The following ABCA1 variants were observed in gnomAD, a reference collection of about 807,000 sequenced individuals.
ABCA1 encodes ATP binding cassette subfamily A member 1, also known as phospholipid-transporting ATPase ABCA1.
In ABCA1, 133 loss-of-function variants were observed where a neutral mutation model predicts 262.5. The observed-to-expected ratio is 0.51, with a 90% CI of 0.44 to 0.59. The LOEUF (loss-of-function observed/expected upper bound fraction) is 0.59. Among genes scored for constraint, ABCA1 ranks in the 20% least tolerant of loss-of-function variants. The pLI, the probability that ABCA1 is intolerant of heterozygous loss-of-function variation, is 0.00. For missense variants in ABCA1, 2,452 were observed against 2,777.5 expected (o/e 0.88, Z 2.63); for synonymous variants, 1,022 against 1,043.5 (o/e 0.98, Z 0.40).
At chr9:104,899,234 C>T (rs1015769242) in intron 2 of ABCA1, among the ~76,000 whole-genome samples, 1 of 152,082 alleles carries the variant, frequency 6.6e-6, no homozygotes, top group African/African-American at 2.4e-5. Context: ...ATGACCACTG[C>T]TGCCGGCCCA....
At chr9:104,819,520 C>T in intron 22 of ABCA1, 66 bp downstream of exon 22, 1 of 1,609,112 alleles carries the variant, frequency 6.2e-7, no homozygotes. Context: ...GAGATACAGC[C>T]ACACTTCTCA....
At chr9:104,790,352 C>CA (rs1217513842) in intron 44 of ABCA1, among the ~76,000 whole-genome samples, 2 of 151,988 alleles carry the variant, frequency 1.3e-5, no homozygotes, top group African/African-American at 4.8e-5. Flanking sequence ...AAAATGGAAA[C>CA]TAATGTGTCC....
intron 2 of ABCA1, among the ~76,000 whole-genome samples, chr9:104,889,936 A>G (rs552521769): frequency 1.3e-5 from 2 of 152,294 alleles, no homozygotes; most frequent in East Asian, 3.9e-4. Context: ...TGAACTTCTA[A>G]ACAAGCATGA....
intron 1 of ABCA1, among the ~76,000 whole-genome samples, chr9:104,913,678 C>T (rs1447916835): frequency 6.6e-6 from 1 of 152,152 alleles, no homozygotes; most frequent in Non-Finnish European, 1.5e-5. Flanking sequence ...CTATAAAACC[C>T]CCTCTTGGGG....
At position 104,813,732 on chromosome 9, in the gene ABCA1, G is replaced by A. The variant is rs114356799; in HGVS notation, c.3901+386C>T. 2.1e-3 allele frequency among the ~76,000 whole-genome samples: 317 copies of A among 152,160 alleles called. 1 individual carries two copies. The highest frequency in any genetic ancestry group is 7.2e-3 in the African/African-American group (299 of 41,510). ...CCAGCCTCAAATATCTAAGTCTTAG[G>A]GTACAATTAACTCTAACAGCAAATT... On this transcript the variant is annotated intron_variant, in intron 27 of 49. Transcript: ENST00000374736.
At position 104,903,647 on chromosome 9, in the gene ABCA1, C is replaced by T. The variant is rs1448985071; in HGVS notation, c.33G>A (p.Leu11=). The change falls in exon 2 of 50, where the codon CTG becomes CTA. Residue 11 remains leucine, a synonymous_variant. Transcript: ENST00000374736. MACWPQLRLL[L]WKNLTFRRRQ... ...TTCTTCTGAAAGTGAGGTTCTTCCACAGCAGCAACCTCAGCTGAGGCCAAC... is the reference window on the plus strand; with the variant it reads ...TTCTTCTGAAAGTGAGGTTCTTCCATAGCAGCAACCTCAGCTGAGGCCAAC... The T allele has an allele frequency of 6.3e-7, 1 of 1,590,306 alleles. No homozygotes were observed. Among genetic ancestry groups the T allele is most frequent in the African/African-American group, 1.3e-5 (1 of 74,718 alleles).
At chr9:104,894,046 G>T (rs1357900229) in intron 2 of ABCA1, among the ~76,000 whole-genome samples, 1 of 152,178 alleles carries the variant, frequency 6.6e-6, no homozygotes, top group Non-Finnish European at 1.5e-5. Flanking sequence ...GTTTGAACAA[G>T]TTACGAGCCA....
intron 14 of ABCA1, among the ~76,000 whole-genome samples, chr9:104,829,640 G>A (rs1833087098): frequency 6.6e-6 from 1 of 152,048 alleles, no homozygotes; most frequent in Non-Finnish European, 1.5e-5. Context: ...CTGAACTTGA[G>A]GTTCACGTCA....
At chr9:104,818,909 G>A in intron 22 of ABCA1, 26 bp from the exon 23 acceptor site, 1 of 1,590,380 alleles carries the variant, frequency 6.3e-7, no homozygotes, top group Non-Finnish European at 8.6e-7. Flanking sequence ...ACAAGGATGT[G>A]GGACAGGTGA....
chr9:104,907,013 T>G (rs935138176), intron 1 of ABCA1, among the ~76,000 whole-genome samples: 4 of 152,068 alleles, frequency 2.6e-5, no homozygotes, highest in Admixed American at 1.3e-4. Context: ...AACATGCCTC[T>G]CCCCGACTTA....
intron 2 of ABCA1, among the ~76,000 whole-genome samples, chr9:104,900,423 C>T (rs988561189): frequency 6.6e-6 from 1 of 152,172 alleles, no homozygotes; most frequent in Non-Finnish European, 1.5e-5. Context: ...AATGAACATC[C>T]ATACGCTGCA....
At chr9:104,833,626 C>T (rs1418465806) in intron 11 of ABCA1, among the ~76,000 whole-genome samples, 1 of 152,208 alleles carries the variant, frequency 6.6e-6, no homozygotes, top group African/African-American at 2.4e-5. Flanking sequence ...TCCCCCTCCC[C>T]ACTGTGTTCT....
At chr9:104,874,837 C>T (rs1184902517) in intron 5 of ABCA1, among the ~76,000 whole-genome samples, 1 of 130,532 alleles carries the variant, frequency 7.7e-6, no homozygotes, top group East Asian at 2.0e-4. Flanking sequence ...GGCCAGCCCC[C>T]GCCCGGCCAG....
chr9:104,921,465 G>C (rs944817125), intron 1 of ABCA1, among the ~76,000 whole-genome samples: 5 of 152,176 alleles, frequency 3.3e-5, no homozygotes, highest in African/African-American at 1.2e-4. Context: ...CTTGAATATG[G>C]AATGCCACAG....
intron 7 of ABCA1, among the ~76,000 whole-genome samples, chr9:104,849,909 C>T (rs1451969521): frequency 1.3e-5 from 2 of 152,172 alleles, no homozygotes; most frequent in Admixed American, 6.5e-5. Context: ...AATGTGAACA[C>T]ATTTAGGCCA....
At chr9:104,873,376 G>A (rs1173077651) in intron 5 of ABCA1, among the ~76,000 whole-genome samples, 1 of 152,174 alleles carries the variant, frequency 6.6e-6, no homozygotes. Flanking sequence ...ATGAGAAGTG[G>A]CTGTGAGTCA....
At chr9:104,856,285 C>T (rs1378739763) in intron 7 of ABCA1, among the ~76,000 whole-genome samples, 2 of 152,180 alleles carry the variant, frequency 1.3e-5, no homozygotes, top group Non-Finnish European at 2.9e-5. Flanking sequence ...CAATCCTGAT[C>T]ACTCATTCTA....
rs1484174244 is a variant in ABCA1 at position 104,898,149 on chromosome 9, T to A, written c.66+5465A>T. ...CATAAAATGGTCCATGTATATGTAA[T>A]GATTACAATTGCTTTCTTGGGCCTT... On this transcript the variant is annotated intron_variant, in intron 2 of 49. Transcript: ENST00000374736. Among the ~76,000 whole-genome samples the A allele has an allele frequency of 2.6e-5, 4 of 152,090 alleles. No homozygotes were observed. The East Asian group carries it at 7.7e-4, about 29-fold the overall frequency.
At chr9:104,906,687 A>C (rs1020595040) in intron 1 of ABCA1, among the ~76,000 whole-genome samples, 1 of 151,646 alleles carries the variant, frequency 6.6e-6, no homozygotes, top group Non-Finnish European at 1.5e-5. Flanking sequence ...CTGCTCAGGT[A>C]ACTGAAGCCA....
Sources: allele counts gnomAD v4.1 joint callset (sites outside exome capture counted in the v4.1 genomes callset), GRCh38; gene constraint gnomAD v4.1.1; transcripts MANE v1.5; gene names NCBI Gene and HGNC (gene_info 2026-07-23, HGNC 2026-07-21).